Variants in TMEM229B observed in about 807,000 individuals in gnomAD.
The protein encoded by TMEM229B is transmembrane protein 229B, also known as chromosome 14 open reading frame 83.
A neutral mutation model predicts 13.7 loss-of-function variants in TMEM229B; 6 were observed. The observed-to-expected ratio is 0.44, with a 90% CI of 0.24 to 0.86. The LOEUF (loss-of-function observed/expected upper bound fraction) is 0.86. Among genes scored for constraint, TMEM229B ranks in the 40% least tolerant of loss-of-function variants. The pLI is 0.23. For missense variants in TMEM229B, 170 were observed against 236.0 expected, an observed-to-expected ratio of 0.72 and a Z score of 1.83; for synonymous variants, 107 against 102.1, an observed-to-expected ratio of 1.05 and a Z score of -0.29.
intron 1 of TMEM229B, among the ~76,000 whole-genome samples, chr14:67,495,996 C>T (rs938724922): frequency 3.9e-5 from 6 of 152,186 alleles, no homozygotes; most frequent in Non-Finnish European, 5.9e-5. Context: ...TCCTCAGGTT[C>T]ACTGTCACAG....
upstream of TMEM229B, among the ~76,000 whole-genome samples, chr14:67,519,971 C>T (rs1482718755): frequency 6.6e-6 from 1 of 152,180 alleles, no homozygotes; most frequent in Non-Finnish European, 1.5e-5. Flanking sequence ...GGTCCTCCCA[C>T]CTCGGCCCCC....
In TMEM229B at chr14:67,473,616, C is replaced by A; in HGVS notation, c.308G>T (p.Trp103Leu). 6.3e-7 allele frequency: 1 copy of A among 1,593,784 alleles called. No homozygotes were observed. Among genetic ancestry groups the A allele is most frequent in the Non-Finnish European group, 8.5e-7 (1 of 1,170,304 alleles). Reference sequence around the variant, plus strand: ...GTCAAAGTCGAACTGGGAGTAGTCCCAGGGGCAGGCGTTGAACTGGCGCAG... The same window carrying A: ...GTCAAAGTCGAACTGGGAGTAGTCCAAGGGGCAGGCGTTGAACTGGCGCAG... ...FILRQFNACP[W>L]DYSQFDFDFM... The change falls in exon 3 of 3, where the codon TGG becomes TTG. Residue 103 changes from tryptophan to leucine, a missense_variant. By Grantham distance (61) the Trp-to-Leu change is moderately conservative. This residue lies in a region of TMEM229B where 57 missense variants were observed against 66.7 expected (regional missense o/e 0.85). Coordinates refer to ENST00000554480, the MANE Select transcript of TMEM229B (RefSeq NM_001348543.2). This position sits in a 1 kb window ranked among gnomAD's most constrained non-coding sequence, Gnocchi z 6.5.
intron 1 of TMEM229B, among the ~76,000 whole-genome samples, chr14:67,505,192 G>C (rs1164715302): frequency 6.6e-6 from 1 of 152,112 alleles, no homozygotes; most frequent in Non-Finnish European, 1.5e-5. Flanking sequence ...CTCAAGCTGA[G>C]GGTATAGAGG....
At chr14:67,482,664 A>G (rs2031653621) in intron 2 of TMEM229B, among the ~76,000 whole-genome samples, 1 of 152,188 alleles carries the variant, frequency 6.6e-6, no homozygotes, top group Non-Finnish European at 1.5e-5. Flanking sequence ...TCAATGAGGA[A>G]AGGGCAGAAA....
chr14:67,518,664 C>A (rs1333797028), upstream of TMEM229B, among the ~76,000 whole-genome samples: 1 of 152,186 alleles, frequency 6.6e-6, no homozygotes, highest in Non-Finnish European at 1.5e-5. Context: ...GCCCTTCCCC[C>A]AAAGGAAACC....
intron 1 of TMEM229B, among the ~76,000 whole-genome samples, chr14:67,523,554 A>G (rs2033321620): frequency 6.6e-6 from 1 of 152,206 alleles, no homozygotes; most frequent in Non-Finnish European, 1.5e-5. Context: ...CTGTGCTCCA[A>G]GTAATGGCTT....
At chr14:67,512,352 G>C (rs1195189908) in intron 1 of TMEM229B, among the ~76,000 whole-genome samples, 1 of 152,192 alleles carries the variant, frequency 6.6e-6, no homozygotes, top group South Asian at 2.1e-4. Flanking sequence ...CTGGCCAATA[G>C]AGGCTGAAAT....
At chr14:67,475,011 G>A (rs2031087572) in intron 2 of TMEM229B, among the ~76,000 whole-genome samples, 1 of 151,316 alleles carries the variant, frequency 6.6e-6, no homozygotes, top group East Asian at 1.9e-4. Context: ...CGCCTCCTGG[G>A]TTCAAGCGAT....
intron 1 of TMEM229B, among the ~76,000 whole-genome samples, chr14:67,496,399 T>G (rs908481945): frequency 8.2e-6 from 1 of 122,054 alleles, no homozygotes; most frequent in African/African-American, 3.1e-5. Flanking sequence ...GCGTTTTTTT[T>G]TTTTTTTTTT....
rs1198589252 is a variant in TMEM229B at position 67,531,381 on chromosome 14, A to G, written c.-192+2255T>C. ...GAAACTCAAGCCTCCTAAATTCCTA[A>G]TGTAGGGTTCAGTCCACCTCTACCA... On this transcript the variant is annotated intron_variant, in intron 1 of 2. Transcript: ENST00000554278. Among the ~76,000 whole-genome samples the G allele has an allele frequency of 3.9e-5, 6 of 152,226 alleles. No homozygotes were observed. The East Asian group carries it at 1.2e-3, about 29-fold the overall frequency.
chr14:67,475,454 AG>A (rs754636745), intron 2 of TMEM229B, among the ~76,000 whole-genome samples: 17 of 152,296 alleles, frequency 1.1e-4, no homozygotes, highest in Non-Finnish European at 2.4e-4. Flanking sequence ...TAACTTTCTG[AG>A]GAACCACTGT....
In TMEM229B at chr14:67,471,137, C is replaced by T. The variant is rs2030687441; in HGVS notation, c.*2283G>A. On this transcript the variant is annotated 3_prime_UTR_variant, in exon 3 of 3. Transcript: ENST00000554480. Reference sequence around the variant, plus strand: ...AAACACAATGCTGGATGTTGCCAGGCACACAGGCATACCCCCAGGACCTCC... The same window carrying T: ...AAACACAATGCTGGATGTTGCCAGGTACACAGGCATACCCCCAGGACCTCC... 1 of 152,246 alleles carries T rather than the reference C, an allele frequency of 6.6e-6. No homozygotes were observed. Among genetic ancestry groups the T allele is most frequent in the Non-Finnish European group, 1.5e-5 (1 of 68,100 alleles). The allele number at this position is 152,246 out of a possible 1,614,324, so 9.4% of individuals were successfully genotyped here.
chr14:67,511,184 C>T (rs1205045188), intron 1 of TMEM229B, among the ~76,000 whole-genome samples: 3 of 152,040 alleles, frequency 2.0e-5, no homozygotes, highest in East Asian at 3.9e-4. Flanking sequence ...AGATGGCATT[C>T]GTCATTCAAG....
intron 1 of TMEM229B, among the ~76,000 whole-genome samples, chr14:67,526,339 GT>G (rs1470874615): frequency 2.0e-5 from 3 of 152,204 alleles, no homozygotes; most frequent in African/African-American, 7.2e-5. Context: ...ATCTCTTCCT[GT>G]CCCCTGCCCG....
intron 1 of TMEM229B, among the ~76,000 whole-genome samples, chr14:67,504,863 G>A (rs988091279): frequency 1.3e-5 from 2 of 152,080 alleles, no homozygotes; most frequent in African/African-American, 4.8e-5. Context: ...TCCAATCAGG[G>A]CAACAAGAGC....
chr14:67,471,494 G>GA lies in TMEM229B; in HGVS notation c.*1925dup, dbSNP rs773477512. The GA allele has an allele frequency of 6.6e-6, 1 of 152,062 alleles. No homozygotes were observed. The highest frequency in any genetic ancestry group is 2.4e-5 in the African/African-American group (1 of 41,388). 9.4% of individuals were successfully genotyped at this position (152,062 alleles called of 1,614,324 possible). A position where few individuals can be genotyped will look rare whatever the true frequency, so the allele number is the denominator to read the frequency against. ...CTGGAATTTTCTCCACCTATAGATG[G>GA]AAAACAATCTACTCCCACCGGAAGC... On this transcript the variant is annotated 3_prime_UTR_variant, in exon 3 of 3. Coordinates refer to ENST00000554480, the MANE Select transcript of TMEM229B (RefSeq NM_001348543.2).
intron 1 of TMEM229B, among the ~76,000 whole-genome samples, chr14:67,510,299 T>C (rs921651755): frequency 2.6e-5 from 4 of 152,246 alleles, no homozygotes; most frequent in Non-Finnish European, 5.9e-5. Context: ...TGAAATGGGC[T>C]GTCCAAGGTC....
Position 67,473,465 on chromosome 14 carries a change from G to A in TMEM229B, c.459C>T (p.Pro153=), listed in dbSNP as rs2140030029. ...CGTTGGCCAGGGCTAGGGCGCCGCT[G>A]GGCTCCCCGGGCTCAGCGTCCTTGT... ...RFDKDAEPGE[P]SGALALANGH... is the part of the protein sequence containing the mutation. Residue 153 remains proline (P), a synonymous_variant, in exon 3 of 3, where the codon CCC becomes CCT. Coordinates refer to ENST00000554480, the MANE Select transcript of TMEM229B (RefSeq NM_001348543.2). This position sits in a 1 kb window ranked among gnomAD's most constrained non-coding sequence, Gnocchi z 6.5. The A allele has an allele frequency of 6.2e-7, 1 of 1,614,180 alleles. No individual in the cohort carries two copies. Among genetic ancestry groups the A allele is most frequent in the Non-Finnish European group, 8.5e-7 (1 of 1,180,034 alleles).
At position 67,524,568 on chromosome 14, in the gene TMEM229B, A is replaced by T. The variant is rs76441191; in HGVS notation, c.-192+9068T>A. Among the ~76,000 whole-genome samples the T allele has an allele frequency of 3.7e-3, 556 of 152,210 alleles. 2 individuals carry two copies. The highest frequency in any genetic ancestry group is 0.013 in the African/African-American group (527 of 41,522). ...CAATGGACCACACCCAGCTAGCTTCATTTTCCTTCTTTCCTCAAATGGAGA... is the reference window on the plus strand; with the variant it reads ...CAATGGACCACACCCAGCTAGCTTCTTTTTCCTTCTTTCCTCAAATGGAGA... On this transcript the variant is annotated intron_variant, in intron 1 of 2. Transcript: ENST00000554278.
Sources: allele counts gnomAD v4.1 joint callset (sites outside exome capture counted in the v4.1 genomes callset), GRCh38; gene constraint gnomAD v4.1.1; regional missense constraint gnomAD v4.1.1; non-coding constraint Gnocchi (gnomAD v3.1); transcripts MANE v1.5; gene names NCBI Gene and HGNC (gene_info 2026-07-23, HGNC 2026-07-21).